The following SLC12A2 variants were observed in gnomAD, a reference collection of about 807,000 sequenced individuals.
SLC12A2 encodes solute carrier family 12 member 2, also known as Na-K-2Cl cotransporter 1.
SLC12A2 carries 67 observed loss-of-function variants against 136.3 expected under a neutral mutation model. The observed-to-expected ratio is 0.49, with a 90% CI of 0.40 to 0.60. SLC12A2 has a LOEUF of 0.60. Among genes scored for constraint, SLC12A2 ranks in the 20% least tolerant of loss-of-function variants. The pLI is 0.00. For missense variants in SLC12A2, 1,322 were observed against 1,534.7 expected, an observed-to-expected ratio of 0.86 and a Z score of 2.32; for synonymous variants, 619 against 562.9, an observed-to-expected ratio of 1.10 and a Z score of -1.41.
intron 15 of SLC12A2, among the ~76,000 whole-genome samples, chr5:128,156,947 G>A (rs1762888775): frequency 6.6e-6 from 1 of 152,162 alleles, no homozygotes; most frequent in Non-Finnish European, 1.5e-5. Flanking sequence ...TATACTGTCT[G>A]GCTAAGGAGT....
intron 1 of SLC12A2, chr5:128,109,355 T>C (rs1761060339): frequency 6.8e-6 from 2 of 294,770 alleles, no homozygotes; most frequent in Non-Finnish European, 1.3e-5. Flanking sequence ...ATGCCTGCCC[T>C]GCATGCCAGG....
chr5:128,098,486 G>GT (rs796159682), intron 1 of SLC12A2, among the ~76,000 whole-genome samples: 192 of 135,176 alleles, frequency 1.4e-3, no homozygotes, highest in African/African-American at 3.8e-3. Context: ...TGTTTTTTTT[G>GT]TTTTTTTTGT....
Position 128,114,304 on chromosome 5 carries a change from C to G in SLC12A2, c.952+17C>G. On this transcript the variant is annotated intron_variant, in intron 3 of 26. Coordinates refer to ENST00000262461, the MANE Select transcript of SLC12A2 (RefSeq NM_001046.3). ...CTGGAATAGGTAAGTGAAGTTATATCCTGCTTGATTTGAGAATAAGCAAAA... is the reference window on the plus strand; with the variant it reads ...CTGGAATAGGTAAGTGAAGTTATATGCTGCTTGATTTGAGAATAAGCAAAA... 6.3e-7 allele frequency: 1 copy of G among 1,592,082 alleles called. No homozygotes were observed. The highest frequency in any genetic ancestry group is 8.6e-7 in the Non-Finnish European group (1 of 1,161,502).
At chr5:128,151,851 A>G (rs1280030856) in intron 14 of SLC12A2, among the ~76,000 whole-genome samples, 1 of 152,156 alleles carries the variant, frequency 6.6e-6, no homozygotes, top group Admixed American at 6.5e-5. Flanking sequence ...TAGAAGACAT[A>G]GTATCTTTCC....
chr5:128,103,532 T>C (rs1000478770), intron 1 of SLC12A2, among the ~76,000 whole-genome samples: 8 of 152,208 alleles, frequency 5.3e-5, no homozygotes, highest in African/African-American at 1.7e-4. Context: ...GGACCTTCCA[T>C]TTTAATACTT....
chr5:128,145,600 C>T (rs1762508324), intron 10 of SLC12A2, among the ~76,000 whole-genome samples: 2 of 152,082 alleles, frequency 1.3e-5, no homozygotes, highest in South Asian at 2.1e-4. Context: ...TCTCCCCACT[C>T]TTAGAAGTCT....
intron 18 of SLC12A2, chr5:128,168,671 G>T (rs373448867): frequency 4.6e-5 from 7 of 152,336 alleles, no homozygotes; most frequent in Non-Finnish European, 1.0e-4. Flanking sequence ...GACAATTGAC[G>T]ATCATCAGGC....
chr5:128,084,123 C>T lies in SLC12A2; in HGVS notation c.169C>T (p.Arg57Cys). 2.3e-6 allele frequency: 3 copies of T among 1,304,138 alleles called. No homozygotes were observed. Among genetic ancestry groups the T allele is most frequent in the South Asian group, 2.3e-5 (1 of 43,736 alleles). 80.8% of individuals were successfully genotyped at this position (1,304,138 alleles called of 1,614,324 possible). A position where few individuals can be genotyped will look rare whatever the true frequency, so the allele number is the denominator to read the frequency against. ...APASRDGGGV[R>C]DEGPAAAGDG... ...CGCGAGCCGGGACGGCGGCGGGGTC[C>T]GCGATGAGGGCCCCGCGGCGGCCGG... Residue 57 changes from arginine (R) to cysteine (C), a missense_variant, in exon 1 of 27, where the codon CGC becomes TGC. Arg to Cys is a radical substitution (Grantham distance 180). Around this residue, in one of 8 missense-constraint regions of SLC12A2, gnomAD observed 358 missense variants for 299.7 expected, o/e 1.19. Transcript: ENST00000262461. The surrounding 1 kb of genome is among the most constrained non-coding windows in gnomAD (Gnocchi z 5.6).
intron 15 of SLC12A2, among the ~76,000 whole-genome samples, chr5:128,157,747 T>G (rs1402318268): frequency 2.0e-5 from 3 of 152,152 alleles, no homozygotes; most frequent in Non-Finnish European, 4.4e-5. Flanking sequence ...CTTCAGAAAA[T>G]GAAAAATTGT....
chr5:128,173,572 G>A (rs963501660), intron 19 of SLC12A2, among the ~76,000 whole-genome samples: 2 of 152,170 alleles, frequency 1.3e-5, no homozygotes, highest in African/African-American at 4.8e-5. Flanking sequence ...AGGCAAATCT[G>A]CTTTAAAAAT....
chr5:128,130,514 C>CAAACAAA (rs781389757), intron 4 of SLC12A2, among the ~76,000 whole-genome samples: 4 of 81,480 alleles, frequency 4.9e-5, no homozygotes, highest in Non-Finnish European at 7.0e-5. Flanking sequence ...GACTCTGTCT[C>CAAACAAA]AAAAAAAAAA....
chr5:128,138,875 A>G lies in SLC12A2; in HGVS notation c.1588A>G (p.Thr530Ala). 1 of 1,612,988 alleles carries G rather than the reference A, an allele frequency of 6.2e-7. No homozygotes were observed. The highest frequency in any genetic ancestry group is 8.5e-7 in the Non-Finnish European group (1 of 1,179,294). The change falls in exon 9 of 27, where the codon ACA (threonine) becomes GCA (alanine). Residue 530 changes from threonine (T) to alanine (A), a missense_variant. This residue lies in a region of SLC12A2 where 294 missense variants were observed against 436.6 expected (regional missense o/e 0.67). Transcript: ENST00000262461. Reference sequence around the variant, plus strand: ...AACACTCCTAGCCATTTTAATTACTACATTGGTTTACGTAGGAATTGCAGT... The same window carrying G: ...AACACTCCTAGCCATTTTAATTACTGCATTGGTTTACGTAGGAATTGCAGT... The part of the protein sequence containing the change: ...KGTLLAILIT[T>A]LVYVGIAVSV...
At chr5:128,104,415 T>C (rs1760854388) in intron 1 of SLC12A2, among the ~76,000 whole-genome samples, 1 of 151,966 alleles carries the variant, frequency 6.6e-6, no homozygotes, top group South Asian at 2.1e-4. Context: ...GCAGATCACT[T>C]GAGGTCAGGA....
chr5:128,098,814 G>T (rs1345314087), intron 1 of SLC12A2, among the ~76,000 whole-genome samples: 1 of 151,908 alleles, frequency 6.6e-6, no homozygotes, highest in African/African-American at 2.4e-5. Flanking sequence ...TGTGTAATTT[G>T]GTGGCCAGCA....
In SLC12A2 at chr5:128,148,833, G is replaced by C; in HGVS notation, c.1961G>C (p.Gly654Ala). The change falls in exon 12 of 27, where the codon GGC becomes GCC. Residue 654 changes from glycine (G) to alanine (A), a missense_variant. This residue lies in a region of SLC12A2 where 294 missense variants were observed against 436.6 expected (regional missense o/e 0.67). Coordinates refer to ENST00000262461, the MANE Select transcript of SLC12A2 (RefSeq NM_001046.3). Reference protein sequence around the residue: ...GYGKNNEPLRGYILTFLIALG... With the variant: ...GYGKNNEPLRAYILTFLIALG... The stretch of plus-strand genomic sequence containing the variant: ...GGGAAAAATAATGAACCTCTTCGTG[G>C]CTACATCTTAACATTCTTAATTGCA... The C allele has an allele frequency of 6.2e-7, 1 of 1,606,780 alleles. No homozygotes were observed. The highest frequency in any genetic ancestry group is 8.5e-7 in the Non-Finnish European group (1 of 1,176,496).
chr5:128,121,683 G>A (rs945080611), intron 4 of SLC12A2, among the ~76,000 whole-genome samples: 1 of 152,192 alleles, frequency 6.6e-6, no homozygotes, highest in Admixed American at 6.5e-5. Context: ...TAAGTTCTCT[G>A]CCTTCCACAT....
intron 11 of SLC12A2, 118 bp downstream of exon 11, chr5:128,147,847 G>T: frequency 1.8e-6 from 1 of 555,520 alleles, no homozygotes; most frequent in Non-Finnish European, 3.2e-6. Context: ...ACATATATAT[G>T]ATATATATAT....
At chr5:128,181,501 C>T (rs905678467) in intron 23 of SLC12A2, among the ~76,000 whole-genome samples, 7 of 152,072 alleles carry the variant, frequency 4.6e-5, no homozygotes, top group Non-Finnish European at 1.5e-5. Context: ...ACATAATATG[C>T]ATAATCTTCA....
intron 6 of SLC12A2, among the ~76,000 whole-genome samples, chr5:128,134,497 A>G (rs1762125323): frequency 6.6e-6 from 1 of 152,028 alleles, no homozygotes; most frequent in Admixed American, 6.6e-5. Context: ...TACTTTGTAA[A>G]TTTTGAATTT....
Sources: gnomAD v4.1 joint callset for allele counts (sites outside exome capture counted in the v4.1 genomes callset) on GRCh38, gnomAD v4.1.1 for gene constraint, gnomAD v4.1.1 regional missense constraint, Gnocchi (gnomAD v3.1) non-coding constraint, MANE v1.5 for transcripts, NCBI Gene and HGNC (gene_info 2026-07-23, HGNC 2026-07-21) for gene names.